The following NEBL variants were observed in gnomAD, a reference collection of about 807,000 sequenced individuals.
NEBL encodes LIM and SH3 protein 2.
In NEBL, 122 loss-of-function variants were observed where a neutral mutation model predicts 140.2. That is an observed-to-expected ratio of 0.87 (90% CI 0.75 to 1.01). NEBL has a LOEUF of 1.01. Ranked by LOEUF, NEBL falls within the 50% of genes least tolerant of loss-of-function variation. NEBL has a pLI of 0.00. For synonymous variants in NEBL, 436 were observed against 398.9 expected (o/e 1.09, Z -1.11); for missense variants, 1,365 against 1,231.3 (o/e 1.11, Z -1.62).
intron 2 of NEBL, among the ~76,000 whole-genome samples, chr10:21,092,745 A>G (rs568544981): frequency 6.6e-6 from 1 of 152,122 alleles, no homozygotes; most frequent in Admixed American, 6.6e-5. Flanking sequence ...TTGACTCTCT[A>G]CTTTCATCAA....
rs1588584863 is a variant in NEBL, at chr10:21,271,164, A to G, written n.183-19336T>C. Among the ~76,000 whole-genome samples the G allele has an allele frequency of 2.0e-5, 3 of 152,388 alleles. No homozygotes were observed. In the South Asian group the frequency reaches 6.2e-4, roughly 32 times the overall value. On this transcript the variant is annotated intron_variant and non_coding_transcript_variant, in intron 1 of 8. Coordinates refer to the NEBL transcript ENST00000675702. ...TGGCATATATACAATGGAATATTATACAGCCTTAAAAAATAAGGAAATCCT... is the reference window on the plus strand; with the variant it reads ...TGGCATATATACAATGGAATATTATGCAGCCTTAAAAAATAAGGAAATCCT...
At chr10:20,952,292 C>T in intron 4 of NEBL, among the ~76,000 whole-genome samples, 1 of 151,972 alleles carries the variant, frequency 6.6e-6, no homozygotes, top group East Asian at 1.9e-4. Flanking sequence ...TAAAAATTAG[C>T]TGGGCGTGGT....
At chr10:21,154,429 A>T (rs745966696) in intron 2 of NEBL, among the ~76,000 whole-genome samples, 1 of 147,082 alleles carries the variant, frequency 6.8e-6, no homozygotes, top group Middle Eastern at 3.4e-3. Flanking sequence ...ACTGCACTCC[A>T]TCCTGAGTGA....
At chr10:21,002,655 G>A (rs1014661100) in intron 3 of NEBL, among the ~76,000 whole-genome samples, 9 of 152,214 alleles carry the variant, frequency 5.9e-5, no homozygotes, top group Non-Finnish European at 1.2e-4. Flanking sequence ...AAGGCAAAGG[G>A]GAAACCAGCA....
At chr10:21,088,764 T>C (rs1187966223) in intron 2 of NEBL, among the ~76,000 whole-genome samples, 1 of 152,236 alleles carries the variant, frequency 6.6e-6, no homozygotes, top group Non-Finnish European at 1.5e-5. Context: ...TCCAACATTC[T>C]GGACAACCAC....
intron 3 of NEBL, among the ~76,000 whole-genome samples, chr10:21,224,857 T>A (rs1258796325): frequency 6.6e-6 from 1 of 152,252 alleles, no homozygotes; most frequent in African/African-American, 2.4e-5. Context: ...TGGTTTTGTA[T>A]CCTGCAACTT....
intron 3 of NEBL, among the ~76,000 whole-genome samples, chr10:21,182,448 C>A (rs1841403354): frequency 6.6e-6 from 1 of 152,064 alleles, no homozygotes; most frequent in Non-Finnish European, 1.5e-5. Context: ...TGCACTCCAG[C>A]CTGGACAACA....
intron 2 of NEBL, among the ~76,000 whole-genome samples, chr10:21,126,970 G>C (rs1838867053): frequency 9.6e-6 from 1 of 103,988 alleles, no homozygotes; most frequent in Admixed American, 1.1e-4. Flanking sequence ...GGGAGACCCT[G>C]TATCAAAAAA....
chr10:20,858,215 G>A lies in NEBL; in HGVS notation c.903+25C>T, dbSNP rs2281883. 0.017 allele frequency: 25,924 copies of A among 1,532,264 alleles called. 1,089 individuals are homozygous for A. Among genetic ancestry groups the A allele is most frequent in the East Asian group, 0.14 (6,061 of 44,356 alleles). The allele number at this position is 1,532,264 out of a possible 1,614,324, so 94.9% of individuals were successfully genotyped here. On this transcript the variant is annotated intron_variant, in intron 9 of 27. Coordinates refer to ENST00000377122, the MANE Select transcript of NEBL (RefSeq NM_006393.3). ...CTTCTTGGAGCCACAAGGCAACTAC[G>A]GTTGCCGCTAGATGAACCACTTACG...
intron 2 of NEBL, among the ~76,000 whole-genome samples, chr10:21,153,299 G>A (rs579640): frequency 0.5 from 76,568 of 151,876 alleles, 22,764 homozygotes; most frequent in African/African-American, 0.83. Context: ...CTATACAGCA[G>A]GGCTGCAAAG....
At chr10:21,025,442 T>A (rs1161508184) in intron 2 of NEBL, among the ~76,000 whole-genome samples, 1 of 152,192 alleles carries the variant, frequency 6.6e-6, no homozygotes, top group South Asian at 2.1e-4. Context: ...GAAGACTGCA[T>A]CTGAAATAGT....
chr10:21,196,293 C>T (rs1478551765), intron 3 of NEBL, among the ~76,000 whole-genome samples: 2 of 150,382 alleles, frequency 1.3e-5, no homozygotes, highest in South Asian at 2.1e-4. Flanking sequence ...TGAGCCACCA[C>T]GCCGGGCCTA....
chr10:21,134,228 G>GAA (rs143029785), intron 2 of NEBL, among the ~76,000 whole-genome samples: 3 of 130,872 alleles, frequency 2.3e-5, no homozygotes, highest in East Asian at 2.2e-4. Flanking sequence ...TCCATCTCAA[G>GAA]AAAAAAAAAA....
At chr10:20,808,467 A>T in intron 26 of NEBL, 43 bp downstream of exon 26, 2 of 1,604,960 alleles carry the variant, frequency 1.2e-6, no homozygotes, top group Non-Finnish European at 1.7e-6. Flanking sequence ...GACACACTTA[A>T]AAAATGAATC....
At chr10:20,893,231 A>G (rs188109449) in intron 2 of NEBL, among the ~76,000 whole-genome samples, 5 of 152,336 alleles carry the variant, frequency 3.3e-5, no homozygotes, top group Admixed American at 3.3e-4. Flanking sequence ...CCCCATCAGA[A>G]GACTACTAGA....
At chr10:21,213,426 G>A (rs555340803) in intron 3 of NEBL, among the ~76,000 whole-genome samples, 1 of 152,298 alleles carries the variant, frequency 6.6e-6, no homozygotes, top group East Asian at 1.9e-4. Context: ...GAGGACGGGG[G>A]AAGCTTCAGT....
chr10:21,104,772 A>C (rs1837633839), intron 2 of NEBL, among the ~76,000 whole-genome samples: 1 of 152,322 alleles, frequency 6.6e-6, no homozygotes, highest in African/African-American at 2.4e-5. Flanking sequence ...GTTAAATAGA[A>C]GTAATGAGGC....
intron 3 of NEBL, among the ~76,000 whole-genome samples, chr10:21,219,272 A>C (rs1235620481): frequency 6.6e-6 from 1 of 152,244 alleles, no homozygotes; most frequent in East Asian, 1.9e-4. Flanking sequence ...ATTTTTTATA[A>C]GTGAGGGCTA....
chr10:20,965,302 A>G (rs534656276), intron 3 of NEBL, among the ~76,000 whole-genome samples: 1 of 152,348 alleles, frequency 6.6e-6, no homozygotes, highest in South Asian at 2.1e-4. Flanking sequence ...AAGCGCTAAG[A>G]GAGAAAAATA....
Sources: gnomAD v4.1 joint callset for allele counts (sites outside exome capture counted in the v4.1 genomes callset) on GRCh38, gnomAD v4.1.1 for gene constraint, MANE v1.5 for transcripts, NCBI Gene and HGNC (gene_info 2026-07-23, HGNC 2026-07-21) for gene names.